LCMT1: variants seen among roughly 807,000 people sequenced by gnomAD.
The protein encoded by LCMT1 is [Phosphatase 2A protein]-leucine-carboxy methyltransferase 1.
Under a neutral mutation model 47.7 loss-of-function variants are expected in LCMT1, and 32 were observed. The ratio of observed to expected loss-of-function variants is 0.67; its 90% CI spans 0.51 to 0.90. The LOEUF is 0.90. LCMT1 is among the 40% of genes least tolerant of loss of function. LCMT1 has a pLI of 0.00. For synonymous variants in LCMT1, 152 were observed against 149.7 expected (o/e 1.02, Z -0.11); for missense variants, 375 against 415.2 (o/e 0.90, Z 0.84).
chr16:25,129,553 C>A (rs1241643497), intron 2 of LCMT1, among the ~76,000 whole-genome samples: 1 of 151,860 alleles, frequency 6.6e-6, no homozygotes, highest in African/African-American at 2.4e-5. Context: ...TTTTTTTTCC[C>A]CAATGAGAAA....
At chr16:25,177,455 C>T (rs1961982681) in intron 10 of LCMT1, among the ~76,000 whole-genome samples, 1 of 152,154 alleles carries the variant, frequency 6.6e-6, no homozygotes, top group Non-Finnish European at 1.5e-5. Context: ...ATAACATTAG[C>T]ATTTCCCCCT....
At chr16:25,120,235 T>G (rs1205934749) in intron 1 of LCMT1, among the ~76,000 whole-genome samples, 1 of 151,366 alleles carries the variant, frequency 6.6e-6, no homozygotes, top group African/African-American at 2.4e-5. Flanking sequence ...TTTGTTTTGT[T>G]TTTTTGAGAT....
intron 5 of LCMT1, among the ~76,000 whole-genome samples, chr16:25,154,391 T>C (rs1452045365): frequency 1.3e-5 from 2 of 152,128 alleles, no homozygotes; most frequent in East Asian, 1.9e-4. Flanking sequence ...TATTGGACTT[T>C]GGGACCTCTT....
intron 2 of LCMT1, among the ~76,000 whole-genome samples, chr16:25,130,256 C>T (rs1261009903): frequency 1.4e-5 from 2 of 146,304 alleles, no homozygotes; most frequent in African/African-American, 2.6e-5. Context: ...AGGAGAATGG[C>T]GTGAACCCGG....
chr16:25,117,926 T>G (rs542848528), intron 1 of LCMT1, among the ~76,000 whole-genome samples: 4 of 152,020 alleles, frequency 2.6e-5, no homozygotes, highest in Non-Finnish European at 5.9e-5. Context: ...CACCCAGACC[T>G]GTTAACTTTT....
intron 1 of LCMT1, 101 bp downstream of exon 1, chr16:25,112,097 C>A: frequency 1.3e-6 from 1 of 781,840 alleles, no homozygotes; most frequent in Non-Finnish European, 2.2e-6. Flanking sequence ...GGCAGGGATG[C>A]AGCCCCCGCC....
At chr16:25,151,532 C>G in intron 4 of LCMT1, 22 bp from the exon 5 acceptor site, 1 of 1,601,716 alleles carries the variant, frequency 6.2e-7, no homozygotes, top group Non-Finnish European at 8.5e-7. Context: ...TCATTTTTCT[C>G]CTCTTTCCCA....
chr16:25,170,937 A>C, intron 9 of LCMT1, 132 bp downstream of exon 9: 1 of 652,584 alleles, frequency 1.5e-6, no homozygotes, highest in Non-Finnish European at 2.6e-6. Context: ...CAAACAAACA[A>C]ATAAAAAACA....
At position 25,169,185 on chromosome 16, in the gene LCMT1, T is replaced by C. The variant is rs772958834; in HGVS notation, c.764T>C (p.Val255Ala). Residue 255 changes from valine (V) to alanine (A), a missense_variant, in exon 8 of 11, where the codon GTG (valine) becomes GCG (alanine). Physicochemically the swap from Val to Ala is moderately conservative, Grantham distance 64. Coordinates refer to ENST00000399069, the MANE Select transcript of LCMT1 (RefSeq NM_016309.3). ...LRRRQCDLAG[V>A]ETCKSLESQK... ...AGACGCCAGTGTGACCTGGCGGGAG[T>C]GGAGACCTGCAAGTCATTAGAGTCA... 5 of 1,612,812 alleles carry C rather than the reference T, an allele frequency of 3.1e-6. No homozygotes were observed. Among genetic ancestry groups the C allele is most frequent in the East Asian group, 2.2e-5 (1 of 44,864 alleles).
chr16:25,145,420 C>T (rs1960819304), intron 4 of LCMT1: 1 of 152,212 alleles, frequency 6.6e-6, no homozygotes, highest in Non-Finnish European at 1.5e-5. Context: ...AAGCACAGTC[C>T]ATGTGTACTA....
chr16:25,153,880 G>A (rs992013014), intron 5 of LCMT1, among the ~76,000 whole-genome samples: 19 of 152,124 alleles, frequency 1.2e-4, no homozygotes, highest in African/African-American at 4.1e-4. Context: ...TTGAACCTGG[G>A]AGGCGGAGGT....
rs575273283 is a variant in LCMT1 at position 25,140,045 on chromosome 16, A to G, written c.328-126A>G. On this transcript the variant is annotated intron_variant, in intron 3 of 10. Transcript: ENST00000399069. ...AGTAATTCGAAAAACACGTCTGCCC[A>G]TATCAGTCCCCTGATTTAAAAATCC... is the stretch of plus-strand genomic sequence containing the variant. 1.6e-4 allele frequency: 107 copies of G among 689,534 alleles called. No individual in the cohort carries two copies. The African/African-American group carries it at 1.8e-3, about 12-fold the overall frequency. 42.7% of individuals were successfully genotyped at this position (689,534 alleles called of 1,614,324 possible).
intron 6 of LCMT1, 51 bp downstream of exon 6, chr16:25,161,255 TATGAG>T: frequency 9.9e-7 from 1 of 1,006,956 alleles, no homozygotes; most frequent in Middle Eastern, 2.0e-4. Flanking sequence ...TTATGCTAAT[TATGAG>T]ATAAGGCCAG....
intron 6 of LCMT1, 28 bp from the exon 7 acceptor site, chr16:25,164,570 T>C (rs1224716635): frequency 1.2e-6 from 2 of 1,613,834 alleles, no homozygotes; most frequent in South Asian, 2.2e-5. Flanking sequence ...ATAACAAATT[T>C]ATGTGCCTTT....
At chr16:25,151,705 G>GTGTGTGTA (rs1961088199) in intron 5 of LCMT1, 90 bp downstream of exon 5, 6 of 749,562 alleles carry the variant, frequency 8.0e-6, no homozygotes, top group Non-Finnish European at 1.4e-5. Flanking sequence ...GGGTGTGTGT[G>GTGTGTGTA]TGTGTGTGTG....
At chr16:25,118,386 A>T (rs572156042) in intron 1 of LCMT1, among the ~76,000 whole-genome samples, 1 of 151,916 alleles carries the variant, frequency 6.6e-6, no homozygotes, top group African/African-American at 2.4e-5. Context: ...TTAGTTCCAC[A>T]TTATCTCCTA....
At position 25,140,157 on chromosome 16, in the gene LCMT1, G is replaced by T. The variant is rs768281094; in HGVS notation, c.328-14G>T. The T allele has an allele frequency of 3.2e-6, 5 of 1,587,230 alleles. No homozygotes were observed. In the African/African-American group the frequency reaches 4.0e-5, roughly 13 times the overall value. The stretch of plus-strand genomic sequence containing the variant: ...AGAGTAAAGAAATAAAAAGTATTGT[G>T]TGTTTTTCCCCAGGATGAAGATCTT... On this transcript the variant is annotated splice_polypyrimidine_tract_variant and intron_variant, in intron 3 of 10. Transcript: ENST00000399069.
intron 5 of LCMT1, chr16:25,158,637 AT>A (rs1961332756): frequency 6.6e-6 from 1 of 152,220 alleles, no homozygotes; most frequent in Admixed American, 6.5e-5. Flanking sequence ...CCAGTGCTAG[AT>A]TTTATACAAA....
intron 3 of LCMT1, among the ~76,000 whole-genome samples, chr16:25,135,297 A>ATATATATATATATATATATATATATG (rs1567313913): frequency 9.3e-5 from 14 of 150,004 alleles, no homozygotes; most frequent in African/African-American, 3.0e-4. Context: ...ATATATCTAT[A>ATATATATATATATATATATATATATG]TATATATATA....
Sources: gnomAD v4.1 joint callset for allele counts (sites outside exome capture counted in the v4.1 genomes callset) on GRCh38, gnomAD v4.1.1 for gene constraint, MANE v1.5 for transcripts, NCBI Gene and HGNC (gene_info 2026-07-23, HGNC 2026-07-21) for gene names.